Variants in NKAIN2 observed in about 807,000 individuals in gnomAD.
NKAIN2 encodes the protein sodium/potassium-transporting ATPase subunit beta-1-interacting protein 2.
A neutral mutation model predicts 32.6 loss-of-function variants in NKAIN2; 14 were observed. The observed-to-expected ratio is 0.43, with a 90% confidence interval of 0.28 to 0.67. NKAIN2 has a LOEUF of 0.67. NKAIN2 is among the 30% of genes least tolerant of loss of function. The pLI is 0.17. For synonymous variants in NKAIN2, 80 were observed against 87.2 expected (o/e 0.92, Z 0.46); for missense variants, 198 against 258.3 (o/e 0.77, Z 1.60).
At chr6:124,387,126 T>A (rs180955957) in intron 3 of NKAIN2, among the ~76,000 whole-genome samples, 38 of 152,264 alleles carry the variant, frequency 2.5e-4, no homozygotes, top group South Asian at 1.2e-3. Flanking sequence ...CATGAACTTT[T>A]TGAAAACTTG....
At chr6:124,542,988 C>G (rs2114848618) in intron 3 of NKAIN2, among the ~76,000 whole-genome samples, 1 of 152,200 alleles carries the variant, frequency 6.6e-6, no homozygotes, top group East Asian at 1.9e-4. Flanking sequence ...GATTGGTCCC[C>G]TTTCTGTAAG....
At chr6:124,309,370 G>A (rs1796629592) in intron 2 of NKAIN2, among the ~76,000 whole-genome samples, 1 of 151,878 alleles carries the variant, frequency 6.6e-6, no homozygotes, top group South Asian at 2.1e-4. Context: ...AATTTTTGGG[G>A]GATAATTTAT....
At chr6:124,777,448 T>C (rs1402758762) in intron 4 of NKAIN2, among the ~76,000 whole-genome samples, 2 of 152,150 alleles carry the variant, frequency 1.3e-5, no homozygotes, top group East Asian at 3.9e-4. Flanking sequence ...CAATTCCTCA[T>C]CTATAAAGAG....
At chr6:124,424,930 AG>A (rs1774917825) in intron 3 of NKAIN2, among the ~76,000 whole-genome samples, 1 of 152,180 alleles carries the variant, frequency 6.6e-6, no homozygotes, top group Non-Finnish European at 1.5e-5. Flanking sequence ...ACCCAGAAGA[AG>A]GATTGCTGGA....
rs190356189 is a variant in NKAIN2, at chr6:124,397,982, G to A, written c.273+42635G>A. On this transcript the variant is annotated intron_variant, in intron 3 of 6. Transcript: ENST00000368417. ...AATGAAGATACCCGGGGCCGGGCGT[G>A]GTGGCTCACACCTGTAATCCCAGCA... 1.7e-3 allele frequency among the ~76,000 whole-genome samples: 262 copies of A among 152,040 alleles called. 1 individual carries two copies. Among genetic ancestry groups the A allele is most frequent in the African/African-American group, 5.8e-3 (239 of 41,464 alleles).
At chr6:124,105,958 A>G (rs1020869472) in intron 1 of NKAIN2, among the ~76,000 whole-genome samples, 2 of 152,180 alleles carry the variant, frequency 1.3e-5, no homozygotes, top group Non-Finnish European at 2.9e-5. Context: ...TATTTTATAC[A>G]TGGGAAAATT....
intron 1 of NKAIN2, among the ~76,000 whole-genome samples, chr6:124,052,097 A>G (rs920106926): frequency 2.0e-5 from 3 of 152,104 alleles, no homozygotes; most frequent in Non-Finnish European, 2.9e-5. Flanking sequence ...TTTTGGTATA[A>G]CACTTTAAAT....
intron 1 of NKAIN2, among the ~76,000 whole-genome samples, chr6:124,175,027 A>G (rs1208208391): frequency 4.6e-5 from 7 of 152,202 alleles, no homozygotes; most frequent in African/African-American, 1.4e-4. Flanking sequence ...GAATACCTGT[A>G]TCTACCTTAT....
chr6:124,324,216 A>G lies in NKAIN2; in HGVS notation c.193-31051A>G, dbSNP rs76487046. 6.5e-3 allele frequency among the ~76,000 whole-genome samples: 993 copies of G among 152,254 alleles called. 7 individuals carry two copies. The highest frequency in any genetic ancestry group is 0.022 in the African/African-American group (910 of 41,564). On this transcript the variant is annotated intron_variant, in intron 2 of 6. Transcript: ENST00000368417. ...TTTGAGGATAATTGGCATCTTTACT[A>G]CGATGAGTCTTTTAATCCATGAACA...
chr6:124,348,534 A>G (rs970424446), intron 2 of NKAIN2, among the ~76,000 whole-genome samples: 41 of 152,330 alleles, frequency 2.7e-4, no homozygotes, highest in African/African-American at 8.9e-4. Context: ...AAGCCTGGGC[A>G]ATGGCGGGTG....
intron 4 of NKAIN2, among the ~76,000 whole-genome samples, chr6:124,786,272 C>T (rs1779499706): frequency 6.6e-6 from 1 of 152,008 alleles, no homozygotes; most frequent in Non-Finnish European, 1.5e-5. Context: ...TGGTCTGCCT[C>T]AAAGTCTTCT....
chr6:124,125,011 G>C (rs1466315619), intron 1 of NKAIN2, among the ~76,000 whole-genome samples: 1 of 152,134 alleles, frequency 6.6e-6, no homozygotes, highest in Admixed American at 6.5e-5. Flanking sequence ...TTTTCAATTT[G>C]ATTGACATTT....
chr6:124,371,465 G>A (rs942098817), intron 3 of NKAIN2, among the ~76,000 whole-genome samples: 25 of 151,976 alleles, frequency 1.6e-4, no homozygotes, highest in African/African-American at 5.8e-4. Flanking sequence ...AGGCCAAGGT[G>A]GGAGGATCAT....
intron 1 of NKAIN2, among the ~76,000 whole-genome samples, chr6:124,149,171 T>C (rs996228331): frequency 3.9e-5 from 6 of 152,202 alleles, no homozygotes; most frequent in Admixed American, 2.0e-4. Context: ...ATTTTCATTA[T>C]TGAATTGTAA....
At chr6:124,770,689 GATTC>G (rs1778711198) in intron 4 of NKAIN2, among the ~76,000 whole-genome samples, 1 of 151,796 alleles carries the variant, frequency 6.6e-6, no homozygotes, top group Admixed American at 6.6e-5. Flanking sequence ...ACGATGCTCT[GATTC>G]ATTATTTCAC....
chr6:124,602,401 G>A (rs962785612), intron 3 of NKAIN2, among the ~76,000 whole-genome samples: 7 of 151,850 alleles, frequency 4.6e-5, no homozygotes, highest in African/African-American at 9.7e-5. Context: ...AAGTATAAAC[G>A]ATGATTATTT....
intron 4 of NKAIN2, among the ~76,000 whole-genome samples, chr6:124,728,934 A>G (rs1238254295): frequency 6.6e-6 from 1 of 150,440 alleles, no homozygotes; most frequent in Non-Finnish European, 1.5e-5. Flanking sequence ...AAACACCTCT[A>G]CGCAAATAAA....
chr6:124,391,169 T>G (rs562226023), intron 3 of NKAIN2: 1 of 152,182 alleles, frequency 6.6e-6, no homozygotes, highest in South Asian at 2.1e-4. Context: ...GATAAAATGA[T>G]CCAAACATGA....
intron 5 of NKAIN2, among the ~76,000 whole-genome samples, chr6:124,814,438 CTTT>C (rs1487888740): frequency 1.3e-5 from 2 of 152,180 alleles, no homozygotes. Context: ...AGAGCTGCTT[CTTT>C]TCTCATCTTG....
Sources: gnomAD v4.1 joint callset for allele counts (sites outside exome capture counted in the v4.1 genomes callset) on GRCh38, gnomAD v4.1.1 for gene constraint, MANE v1.5 for transcripts, NCBI Gene and HGNC (gene_info 2026-07-23, HGNC 2026-07-21) for gene names.